Variants in SMYD3 observed in about 807,000 individuals in gnomAD.
The protein encoded by SMYD3 is SET and MYND domain containing 3.
Under a neutral mutation model 57.7 loss-of-function variants are expected in SMYD3, and 36 were observed. The observed-to-expected ratio is 0.62, with a 90% CI of 0.48 to 0.82. SMYD3 has a LOEUF of 0.82. SMYD3 is among the 40% of genes least tolerant of loss of function. The pLI is 0.00. For synonymous variants in SMYD3, 211 were observed against 195.0 expected, an observed-to-expected ratio of 1.08 and a Z score of -0.68; for missense variants, 515 against 538.8, an observed-to-expected ratio of 0.96 and a Z score of 0.44.
chr1:246,311,997 G>T (rs943151439), intron 5 of SMYD3, among the ~76,000 whole-genome samples: 4 of 152,146 alleles, frequency 2.6e-5, no homozygotes, highest in African/African-American at 9.7e-5. Context: ...GAGGCATAAA[G>T]GCAATGCAAC....
chr1:246,336,349 C>T (rs1368785660), intron 2 of SMYD3, among the ~76,000 whole-genome samples: 3 of 152,180 alleles, frequency 2.0e-5, no homozygotes, highest in Non-Finnish European at 4.4e-5. Flanking sequence ...AAATGTCTCT[C>T]GTGTTATATT....
intron 1 of SMYD3, among the ~76,000 whole-genome samples, chr1:246,458,830 G>T (rs1028169646): frequency 3.9e-5 from 6 of 151,954 alleles, no homozygotes; most frequent in African/African-American, 1.5e-4. Context: ...GCCTAACCTA[G>T]TGCCAGGAAC....
In SMYD3 at chr1:245,984,613, G is replaced by A. The variant is rs1164365140; in HGVS notation, c.532-54676C>T. Among the ~76,000 whole-genome samples, 5 of 152,140 alleles carry A rather than the reference G, an allele frequency of 3.3e-5. 1 individual carries two copies. Among genetic ancestry groups the A allele is most frequent in the Non-Finnish European group, 7.3e-5 (5 of 68,038 alleles). On this transcript the variant is annotated intron_variant, in intron 5 of 11. Coordinates refer to ENST00000490107, the MANE Select transcript of SMYD3 (RefSeq NM_001167740.2). ...TTTCTAATTGAGTAATCTGAAGTAA[G>A]GACTGGTAATTTACTTTGCTAACAA...
intron 5 of SMYD3, among the ~76,000 whole-genome samples, chr1:246,248,641 T>TTTTTTTG (rs2063748360): frequency 8.8e-6 from 1 of 113,844 alleles, no homozygotes; most frequent in Non-Finnish European, 1.8e-5. Context: ...CTTTCCTTTT[T>TTTTTTTG]TTTTTTTTTT....
At chr1:246,096,681 T>A (rs1037099502) in intron 5 of SMYD3, among the ~76,000 whole-genome samples, 13 of 152,232 alleles carry the variant, frequency 8.5e-5, no homozygotes, top group African/African-American at 3.1e-4. Flanking sequence ...CCTCAGGCAA[T>A]GTATATGAAA....
chr1:245,949,825 A>ACCCCCCCCCCCCCCCCCCCC (rs376505931), intron 5 of SMYD3, among the ~76,000 whole-genome samples: 28 of 93,262 alleles, frequency 3.0e-4, no homozygotes, highest in Admixed American at 4.3e-4. Context: ...AAAGAAACCC[A>ACCCCCCCCCCCCCCCCCCCC]CCCCCCCCAC....
At chr1:246,156,591 C>G (rs952983855) in intron 5 of SMYD3, among the ~76,000 whole-genome samples, 7 of 152,160 alleles carry the variant, frequency 4.6e-5, no homozygotes, top group African/African-American at 7.2e-5. Flanking sequence ...CTATGCCAAC[C>G]ATTAGGGATA....
At chr1:246,434,390 T>TAG (rs1207642210) in intron 1 of SMYD3, among the ~76,000 whole-genome samples, 1 of 152,248 alleles carries the variant, frequency 6.6e-6, no homozygotes, top group African/African-American at 2.4e-5. Context: ...ACTGTGAATT[T>TAG]GTCTATTTGT....
At chr1:246,310,640 G>C (rs183521653) in intron 5 of SMYD3, among the ~76,000 whole-genome samples, 309 of 151,064 alleles carry the variant, frequency 2.0e-3, no homozygotes, top group Non-Finnish European at 3.2e-3. Flanking sequence ...TGAGTTTTAG[G>C]GGAAAGGACA....
At position 245,982,593 on chromosome 1, in the gene SMYD3, GT is replaced by G. The variant is rs540989227; in HGVS notation, c.532-52657del. 3.8e-3 allele frequency among the ~76,000 whole-genome samples: 572 copies of G among 152,160 alleles called. 6 individuals are homozygous for G. Among genetic ancestry groups the G allele is most frequent in the African/African-American group, 0.012 (518 of 41,508 alleles). On this transcript the variant is annotated intron_variant, in intron 5 of 11. Coordinates refer to ENST00000490107, the MANE Select transcript of SMYD3 (RefSeq NM_001167740.2). ...CTTAAAGTAACATTTTCTAATTCAG[GT>G]TTTGTTTTGTTTTTTACTAATCCCC...
At chr1:246,195,961 G>C (rs2062825423) in intron 5 of SMYD3, among the ~76,000 whole-genome samples, 1 of 152,172 alleles carries the variant, frequency 6.6e-6, no homozygotes, top group Non-Finnish European at 1.5e-5. Flanking sequence ...GTGTTTCTCA[G>C]AGTAATATCT....
At chr1:245,770,456 A>G (rs1305640242) in intron 10 of SMYD3, among the ~76,000 whole-genome samples, 1 of 152,258 alleles carries the variant, frequency 6.6e-6, no homozygotes. Flanking sequence ...AGCAGCCATT[A>G]CAAAGAATGA....
At chr1:246,206,486 G>T (rs1238143286) in intron 5 of SMYD3, among the ~76,000 whole-genome samples, 1 of 151,412 alleles carries the variant, frequency 6.6e-6, no homozygotes, top group Non-Finnish European at 1.5e-5. Context: ...TGTTCTAGTG[G>T]TACCAAAAGC....
At chr1:246,345,857 G>A (rs1244795573) in intron 2 of SMYD3, among the ~76,000 whole-genome samples, 2 of 152,142 alleles carry the variant, frequency 1.3e-5, no homozygotes, top group African/African-American at 4.8e-5. Flanking sequence ...CCAGGTACCA[G>A]GCAAACAGAG....
In SMYD3 at chr1:246,392,806, G is replaced by GA. The variant is rs35750695; in HGVS notation, c.165-37713dup. On this transcript the variant is annotated intron_variant, in intron 1 of 11. Transcript: ENST00000490107. Reference sequence around the variant, plus strand: ...AGCAAAAAAAAAAGAAAAAGAAAAAGAAAAAAAAAAAACTCAATTAGAATA... The same window carrying GA: ...AGCAAAAAAAAAAGAAAAAGAAAAAGAAAAAAAAAAAAACTCAATTAGAATA... 1.9e-3 allele frequency among the ~76,000 whole-genome samples: 260 copies of GA among 139,208 alleles called. 2 individuals are homozygous for GA. Among genetic ancestry groups the GA allele is most frequent in the African/African-American group, 4.5e-3 (172 of 38,076 alleles). 91.3% of individuals were successfully genotyped at this position (139,208 alleles called of 152,430 possible). A position where few individuals can be genotyped will look rare whatever the true frequency, so the allele number is the denominator to read the frequency against.
intron 1 of SMYD3, among the ~76,000 whole-genome samples, chr1:246,384,671 A>C (rs1356543506): frequency 6.6e-6 from 1 of 152,234 alleles, no homozygotes; most frequent in African/African-American, 2.4e-5. Flanking sequence ...TGCTGAGATT[A>C]CAGGCGTGAG....
chr1:246,502,153 T>C (rs2068465735), intron 1 of SMYD3, among the ~76,000 whole-genome samples: 1 of 152,062 alleles, frequency 6.6e-6, no homozygotes. Context: ...TTTTCTTTTT[T>C]TTTGAGACAG....
intron 5 of SMYD3, among the ~76,000 whole-genome samples, chr1:245,984,047 T>G (rs1558558542): frequency 6.6e-6 from 1 of 150,828 alleles, no homozygotes; most frequent in African/African-American, 2.4e-5. Context: ...TTGCCCAGGC[T>G]GGAGTGCAAT....
intron 10 of SMYD3, among the ~76,000 whole-genome samples, chr1:245,769,104 C>T (rs1001877057): frequency 4.6e-5 from 7 of 152,014 alleles, no homozygotes; most frequent in African/African-American, 7.3e-5. Flanking sequence ...GGAATGATGA[C>T]AGAATTAGAA....
Sources: gnomAD v4.1 joint callset for allele counts (sites outside exome capture counted in the v4.1 genomes callset) on GRCh38, gnomAD v4.1.1 for gene constraint, MANE v1.5 for transcripts, NCBI Gene and HGNC (gene_info 2026-07-23, HGNC 2026-07-21) for gene names.